Variants in BLTP1 observed in about 807,000 individuals in gnomAD.
BLTP1 encodes the protein fragile site-associated protein.
At chr4:122,325,383 T>C in the BLTP1 span, 3 of 1,521,422 alleles carry the variant, frequency 2.0e-6, no homozygotes, top group Non-Finnish European at 2.7e-6. Context: ...ATTACAAAAT[T>C]ATGGTATTAT....
chr4:122,200,828 A>T, the BLTP1 span: 3 of 775,552 alleles, frequency 3.9e-6, no homozygotes, highest in South Asian at 1.2e-4. Flanking sequence ...AAGGAGCTAG[A>T]TGTAGCCATG....
the BLTP1 span, chr4:122,220,413 G>T: frequency 1.2e-6 from 2 of 1,612,398 alleles, no homozygotes; most frequent in Non-Finnish European, 1.7e-6. Flanking sequence ...GATTTAGGGA[G>T]ACCATGCTGC....
At chr4:122,341,141 A>G in the BLTP1 span, among the ~76,000 whole-genome samples, 1 of 152,146 alleles carries the variant, frequency 6.6e-6, no homozygotes, top group African/African-American at 2.4e-5. Flanking sequence ...CTTTGTATGT[A>G]AATATTTTTA....
the BLTP1 span, among the ~76,000 whole-genome samples, chr4:122,182,316 T>C: frequency 6.6e-6 from 1 of 152,182 alleles, no homozygotes; most frequent in South Asian, 2.1e-4. Flanking sequence ...TTTTGCTATG[T>C]CCTTTCAAAG....
At chr4:122,240,226 G>T in the BLTP1 span, 1 of 1,614,064 alleles carries the variant, frequency 6.2e-7, no homozygotes, top group Non-Finnish European at 8.5e-7. Flanking sequence ...GTAATTAATT[G>T]GTCAGTTAAG....
At chr4:122,245,323 A>T in the BLTP1 span, among the ~76,000 whole-genome samples, 1 of 152,208 alleles carries the variant, frequency 6.6e-6, no homozygotes, top group African/African-American at 2.4e-5. Context: ...ATGGAATAGT[A>T]GTAAAAATAT....
chr4:122,174,682 C>A, the BLTP1 span: 1 of 1,380,628 alleles, frequency 7.2e-7, no homozygotes, highest in Non-Finnish European at 1.0e-6. Context: ...GAAAAGGACC[C>A]ATGTTAAACA....
At chr4:122,164,595 C>T in the BLTP1 span, 2 of 171,782 alleles carry the variant, frequency 1.2e-5, no homozygotes, top group Non-Finnish European at 2.3e-5. Flanking sequence ...CAAAGTTCCT[C>T]TTTTTCCCTT....
the BLTP1 span, chr4:122,152,355 G>C: frequency 1.7e-5 from 17 of 985,874 alleles, no homozygotes; most frequent in Non-Finnish European, 1.9e-5. Context: ...CCTCGGTTGG[G>C]ACCCCTCCCC....
chr4:122,208,386 T>A, the BLTP1 span: 15 of 984,738 alleles, frequency 1.5e-5, no homozygotes, highest in African/African-American at 2.6e-4. Flanking sequence ...AAGAAACTAG[T>A]CATCAAGATG....
chr4:122,255,328 G>C, the BLTP1 span: 1 of 1,325,742 alleles, frequency 7.5e-7, no homozygotes, highest in East Asian at 2.3e-5. Context: ...TCTCTATTCT[G>C]TTGGTGGACC....
the BLTP1 span, chr4:122,187,590 T>C: frequency 1.4e-6 from 2 of 1,402,332 alleles, no homozygotes; most frequent in African/African-American, 1.5e-5. Context: ...ATGATTTTAA[T>C]GTAAGAAAAT....
chr4:122,347,525 C>A, the BLTP1 span: 1 of 1,609,702 alleles, frequency 6.2e-7, no homozygotes, highest in African/African-American at 1.3e-5. Flanking sequence ...CTACTAGCAT[C>A]TGGCCCAGGG....
the BLTP1 span, chr4:122,306,478 G>A: frequency 1.4e-6 from 1 of 709,874 alleles, no homozygotes; most frequent in Non-Finnish European, 1.7e-6. Context: ...ACTACACAGT[G>A]GAGTCAGAGA....
the BLTP1 span, among the ~76,000 whole-genome samples, chr4:122,332,457 A>G: frequency 6.6e-6 from 1 of 151,958 alleles, no homozygotes; most frequent in Non-Finnish European, 1.5e-5. Flanking sequence ...AATGAAAGTC[A>G]CGACCTTAGG....
chr4:122,190,581 A>G, the BLTP1 span: 1 of 625,320 alleles, frequency 1.6e-6, no homozygotes, highest in African/African-American at 2.0e-5. Flanking sequence ...AGTATTATAG[A>G]TTAAAAGAGA....
the BLTP1 span, chr4:122,208,105 G>A: frequency 1.0e-6 from 1 of 984,082 alleles, no homozygotes; most frequent in Non-Finnish European, 1.2e-6. Context: ...AGTACTTGTA[G>A]TATTAATAGT....
At chr4:122,232,459 G>T in the BLTP1 span, among the ~76,000 whole-genome samples, 1 of 152,048 alleles carries the variant, frequency 6.6e-6, no homozygotes, top group Non-Finnish European at 1.5e-5. Flanking sequence ...TAGCAACTCT[G>T]TCCCTGAGTC....
chr4:122,331,931 C>A, the BLTP1 span: 1 of 299,224 alleles, frequency 3.3e-6, no homozygotes, highest in Non-Finnish European at 4.9e-6. Flanking sequence ...ATAAGAAAGA[C>A]TGGGAGACAG....
Sources: gnomAD v4.1 joint callset for allele counts (sites outside exome capture counted in the v4.1 genomes callset) on GRCh38, gnomAD v4.1.1 for gene constraint, MANE v1.5 for transcripts, NCBI Gene and HGNC (gene_info 2026-07-23, HGNC 2026-07-21) for gene names.